The following RGS22 variants were observed in gnomAD, a reference collection of about 807,000 sequenced individuals.
The protein encoded by RGS22 is regulator of G-protein signaling 22.
A neutral mutation model predicts 172.9 loss-of-function variants in RGS22; 148 were observed. That is an observed-to-expected ratio of 0.86 (90% CI 0.75 to 0.98). The LOEUF (loss-of-function observed/expected upper bound fraction) is 0.98. RGS22 is among the 50% of genes least tolerant of loss of function. RGS22 has a pLI of 0.00. For synonymous variants in RGS22, 458 were observed against 480.2 expected (o/e 0.95, Z 0.60); for missense variants, 1,347 against 1,440.8 (o/e 0.93, Z 1.05).
At chr8:100,005,975 C>T in intron 16 of RGS22, 42 bp downstream of exon 16, 5 of 1,491,862 alleles carry the variant, frequency 3.4e-6, no homozygotes, top group African/African-American at 1.4e-5. Flanking sequence ...TAACCCTCTC[C>T]AGGATAAAAA....
intron 21 of RGS22, among the ~76,000 whole-genome samples, chr8:99,985,352 G>A (rs1173653480): frequency 6.6e-6 from 1 of 152,146 alleles, no homozygotes; most frequent in African/African-American, 2.4e-5. Context: ...GAGTTAGCTC[G>A]GTTAGACTTT....
At position 99,999,318 on chromosome 8, in the gene RGS22, C is replaced by A; in HGVS notation, c.2893G>T (p.Val965Leu). The change falls in exon 19 of 28, where the codon GTA becomes TTA. Residue 965 changes from valine to leucine, a missense_variant. Val to Leu is a conservative substitution (Grantham distance 32). Coordinates refer to ENST00000360863, the MANE Select transcript of RGS22 (RefSeq NM_015668.5). Reference sequence around the variant, plus strand: ...CTTGCAAGAAACAATGGCAGCCATACATTTTCTAGCCTATTTTGCACATGC... The same window carrying A: ...CTTGCAAGAAACAATGGCAGCCATAAATTTTCTAGCCTATTTTGCACATGC... ...QKHVQNRLENVWLPLFLASEQ... is the reference protein window; with the variant it reads ...QKHVQNRLENLWLPLFLASEQ... 1 of 1,613,978 alleles carries A rather than the reference C, an allele frequency of 6.2e-7. No homozygotes were observed. Among genetic ancestry groups the A allele is most frequent in the Non-Finnish European group, 8.5e-7 (1 of 1,179,962 alleles).
rs574501218 is a variant in RGS22 at position 99,996,663 on chromosome 8, A to G, written c.2950-133T>C. Reference sequence around the variant, plus strand: ...GATAGTGAAGTTTAGGAGAAAGAGGATCAAACTTAAAAATGGAAGCCCTGT... The same window carrying G: ...GATAGTGAAGTTTAGGAGAAAGAGGGTCAAACTTAAAAATGGAAGCCCTGT... On this transcript the variant is annotated intron_variant, in intron 19 of 27. Transcript: ENST00000360863. 4 of 764,288 alleles carry G rather than the reference A, an allele frequency of 5.2e-6. No individual in the cohort carries two copies. In the South Asian group the frequency reaches 5.5e-5, roughly 10 times the overall value. 47.3% of individuals were successfully genotyped at this position (764,288 alleles called of 1,614,324 possible).
intron 6 of RGS22, among the ~76,000 whole-genome samples, chr8:100,067,709 C>T (rs1810637606): frequency 6.7e-6 from 1 of 149,408 alleles, no homozygotes; most frequent in South Asian, 2.1e-4. Context: ...ACTGCAACCT[C>T]TGCCTACTGG....
chr8:99,987,749 T>A (rs1228653942), intron 20 of RGS22, 130 bp from the exon 21 acceptor site: 11 of 542,626 alleles, frequency 2.0e-5, no homozygotes. Context: ...CATTTTCACC[T>A]ATTCCTTTCT....
intron 23 of RGS22, among the ~76,000 whole-genome samples, chr8:99,971,857 T>C (rs749074717): frequency 2.6e-5 from 4 of 152,162 alleles, no homozygotes; most frequent in Admixed American, 6.5e-5. Flanking sequence ...TCTATTCCCA[T>C]CAAGCTACCA....
rs373873302 is a variant in RGS22 at position 100,080,293 on chromosome 8, A to C, written c.180T>G (p.Ala60=). The change falls in exon 4 of 28, where the codon GCT becomes GCG. Residue 60 remains alanine, a synonymous_variant. Coordinates refer to ENST00000360863, the MANE Select transcript of RGS22 (RefSeq NM_015668.5). ...DYGVFEVAND[A]PQFLEKQLKK... ...TCAGTTGTTTTTCCAGAAATTGTGGAGCATCATTAGCTACTTCAAAAACTC... is the reference window on the plus strand; with the variant it reads ...TCAGTTGTTTTTCCAGAAATTGTGGCGCATCATTAGCTACTTCAAAAACTC... 11 of 1,613,588 alleles carry C rather than the reference A, an allele frequency of 6.8e-6. No homozygotes were observed. In the African/African-American group the frequency reaches 1.3e-4, roughly 20 times the overall value.
intron 1 of RGS22, chr8:100,105,628 A>G: frequency 1.7e-6 from 1 of 593,386 alleles, no homozygotes; most frequent in Non-Finnish European, 3.0e-6. Flanking sequence ...ATTCACTGTG[A>G]CCCAGGAGTT....
chr8:99,962,673 C>T lies in RGS22; in HGVS notation c.3790+14G>A. 2 of 1,589,796 alleles carry T rather than the reference C, an allele frequency of 1.3e-6. No individual in the cohort carries two copies. The highest frequency in any genetic ancestry group is 8.5e-7 in the Non-Finnish European group (1 of 1,169,784). On this transcript the variant is annotated intron_variant, in intron 26 of 27. Transcript: ENST00000360863. The stretch of plus-strand genomic sequence containing the variant: ...GAAAGAAACAACTGAAGATAGACTA[C>T]ACTGGAAACTCACTCTGGCTGCTGT...
intron 6 of RGS22, among the ~76,000 whole-genome samples, chr8:100,070,917 A>C (rs1015325445): frequency 2.0e-5 from 3 of 151,894 alleles, no homozygotes; most frequent in Non-Finnish European, 1.5e-5. Flanking sequence ...TAAATCTATA[A>C]GAAGTATTGC....
intron 15 of RGS22, among the ~76,000 whole-genome samples, chr8:100,006,636 A>G (rs1157553253): frequency 6.6e-6 from 1 of 152,156 alleles, no homozygotes; most frequent in East Asian, 1.9e-4. Context: ...ACCATTTTCT[A>G]TTTCTCTATT....
At chr8:100,094,256 T>C (rs926440192) in intron 2 of RGS22, among the ~76,000 whole-genome samples, 2 of 152,240 alleles carry the variant, frequency 1.3e-5, no homozygotes, top group African/African-American at 4.8e-5. Context: ...CATCATGGCA[T>C]ACTGTTGTAT....
chr8:100,071,008 C>T (rs915583927), intron 6 of RGS22, among the ~76,000 whole-genome samples: 7 of 147,580 alleles, frequency 4.7e-5, no homozygotes, highest in African/African-American at 1.5e-4. Context: ...TCTGGCCAGG[C>T]GTGGTAGCTT....
chr8:100,041,792 A>T lies in RGS22; in HGVS notation c.1938+10T>A. 6.6e-7 allele frequency: 1 copy of T among 1,504,000 alleles called. No individual in the cohort carries two copies. Among genetic ancestry groups the T allele is most frequent in the Non-Finnish European group, 9.2e-7 (1 of 1,082,802 alleles). The allele number at this position is 1,504,000 out of a possible 1,614,324, so 93.2% of individuals were successfully genotyped here. A position where few individuals can be genotyped will look rare whatever the true frequency, so the allele number is the denominator to read the frequency against. On this transcript the variant is annotated intron_variant, in intron 12 of 27. Coordinates refer to ENST00000360863, the MANE Select transcript of RGS22 (RefSeq NM_015668.5). ...AAGAATCAGGTTTATTCAGTCCTCA[A>T]AACACTCACCCTAGGTTCTTCTGTA...
chr8:100,096,996 G>C (rs568532133), intron 2 of RGS22, among the ~76,000 whole-genome samples: 36 of 152,142 alleles, frequency 2.4e-4, no homozygotes, highest in Non-Finnish European at 4.4e-4. Flanking sequence ...AATCAGAAGA[G>C]ACTCAAGTGG....
intron 3 of RGS22, chr8:100,091,845 T>C (rs972670013): frequency 1.3e-5 from 2 of 152,106 alleles, no homozygotes; most frequent in Middle Eastern, 3.2e-3. Context: ...TTATATAATA[T>C]ACAACTGGAC....
At chr8:99,985,126 A>T (rs1361637571) in intron 21 of RGS22, among the ~76,000 whole-genome samples, 3 of 152,240 alleles carry the variant, frequency 2.0e-5, no homozygotes, top group East Asian at 1.9e-4. Context: ...CTTTAGCAAT[A>T]GAATGACCTG....
In RGS22 at chr8:99,977,727, A is replaced by C. The variant is rs528627745; in HGVS notation, c.3519+190T>G. Reference sequence around the variant, plus strand: ...AGAGTCAAGGAAGTCTTCACTTAGAAGAGATGACATTTGAAATGAATTTAG... The same window carrying C: ...AGAGTCAAGGAAGTCTTCACTTAGACGAGATGACATTTGAAATGAATTTAG... On this transcript the variant is annotated intron_variant, in intron 23 of 27. Transcript: ENST00000360863. Among the ~76,000 whole-genome samples, 22 of 152,338 alleles carry C rather than the reference A, an allele frequency of 1.4e-4. No individual in the cohort carries two copies. The South Asian group carries it at 4.1e-3, about 29-fold the overall frequency.
chr8:100,054,145 T>C (rs1221564702), intron 9 of RGS22, among the ~76,000 whole-genome samples: 1 of 152,216 alleles, frequency 6.6e-6, no homozygotes, highest in African/African-American at 2.4e-5. Flanking sequence ...GTATTCAGTA[T>C]GTGGGCTAAC....
Sources: gnomAD v4.1 joint callset for allele counts (sites outside exome capture counted in the v4.1 genomes callset) on GRCh38, gnomAD v4.1.1 for gene constraint, MANE v1.5 for transcripts, NCBI Gene and HGNC (gene_info 2026-07-23, HGNC 2026-07-21) for gene names.